CDH8: variants seen among roughly 807,000 people sequenced by gnomAD.
CDH8 encodes cadherin-8.
Under a neutral mutation model 68.1 loss-of-function variants are expected in CDH8, and 17 were observed. That is an observed-to-expected ratio of 0.25 (90% CI 0.17 to 0.37). CDH8 has a LOEUF of 0.37. CDH8 is among the 10% of genes least tolerant of loss of function. The pLI is 1.00. For missense variants in CDH8, 763 were observed against 999.3 expected (o/e 0.76, Z 3.19); for synonymous variants, 372 against 365.1 (o/e 1.02, Z -0.21).
intron 3 of CDH8, among the ~76,000 whole-genome samples, chr16:61,857,482 T>G (rs1963068624): frequency 6.6e-6 from 1 of 152,176 alleles, no homozygotes; most frequent in Non-Finnish European, 1.5e-5. Context: ...AAGATTACTT[T>G]GTAGCTTTCA....
At chr16:61,751,560 C>T (rs1394908813) in intron 8 of CDH8, among the ~76,000 whole-genome samples, 2 of 151,950 alleles carry the variant, frequency 1.3e-5, no homozygotes, top group African/African-American at 4.8e-5. Flanking sequence ...CTCAAATGTG[C>T]AGAATGCATT....
At chr16:61,944,114 A>G (rs1964765098) in intron 2 of CDH8, among the ~76,000 whole-genome samples, 2 of 152,230 alleles carry the variant, frequency 1.3e-5, no homozygotes, top group Non-Finnish European at 2.9e-5. Flanking sequence ...GAGGAGAACC[A>G]TGGAGGCTTG....
At chr16:61,782,450 T>A (rs1161586994) in intron 8 of CDH8, among the ~76,000 whole-genome samples, 1 of 150,292 alleles carries the variant, frequency 6.7e-6, no homozygotes, top group Non-Finnish European at 1.5e-5. Context: ...GCCCACGGAG[T>A]CTCGCTGATT....
At position 61,736,528 on chromosome 16, in the gene CDH8, A is replaced by C. The variant is rs557022668; in HGVS notation, c.1415-9313T>G. ...TGAATGCCTCAGAAATCTACTGGGT[A>C]TTTCTTGAAACTGCTAAAACACAGA... On this transcript the variant is annotated intron_variant, in intron 8 of 11. Coordinates refer to ENST00000577390, the MANE Select transcript of CDH8 (RefSeq NM_001796.5). 2.0e-5 allele frequency among the ~76,000 whole-genome samples: 3 copies of C among 152,326 alleles called. No individual in the cohort carries two copies. The South Asian group carries it at 6.2e-4, about 32-fold the overall frequency.
chr16:61,850,600 AT>A (rs1179880817), intron 4 of CDH8, among the ~76,000 whole-genome samples: 1 of 152,064 alleles, frequency 6.6e-6, no homozygotes, highest in African/African-American at 2.4e-5. Flanking sequence ...TTCTAATACC[AT>A]TGAGAAAATG....
chr16:61,845,679 G>C (rs1366241966), intron 4 of CDH8, among the ~76,000 whole-genome samples: 1 of 152,074 alleles, frequency 6.6e-6, no homozygotes, highest in South Asian at 2.1e-4. Flanking sequence ...TTAAGATTCT[G>C]AATGGCAAAT....
At chr16:61,867,871 C>T (rs964584051) in intron 3 of CDH8, among the ~76,000 whole-genome samples, 1 of 152,074 alleles carries the variant, frequency 6.6e-6, no homozygotes, top group Non-Finnish European at 1.5e-5. Flanking sequence ...ATATAAATTG[C>T]AGTGCATACA....
chr16:61,897,899 TTG>T (rs1963897336), intron 3 of CDH8, among the ~76,000 whole-genome samples: 1 of 152,212 alleles, frequency 6.6e-6, no homozygotes, highest in African/African-American at 2.4e-5. Context: ...TTTTGCTTGC[TTG>T]TGTGTTTTTT....
At chr16:61,971,380 T>C (rs1482101391) in intron 2 of CDH8, among the ~76,000 whole-genome samples, 2 of 152,168 alleles carry the variant, frequency 1.3e-5, no homozygotes, top group East Asian at 1.9e-4. Context: ...CTTGGGTTGA[T>C]AAATTTGATA....
chr16:61,964,681 T>A (rs374494430), intron 2 of CDH8, among the ~76,000 whole-genome samples: 1 of 152,096 alleles, frequency 6.6e-6, no homozygotes, highest in African/African-American at 2.4e-5. Flanking sequence ...CGGTCTGCCC[T>A]GAAATCGTCA....
chr16:61,760,283 T>TTTTATTTATTTATTTATTTA (rs138123289), intron 8 of CDH8, among the ~76,000 whole-genome samples: 1 of 146,228 alleles, frequency 6.8e-6, no homozygotes, highest in Non-Finnish European at 1.5e-5. Flanking sequence ...TGGAAGAAAA[T>TTTTATTTATTTATTTATTTA]TTTATTTATT....
intron 2 of CDH8, among the ~76,000 whole-genome samples, chr16:62,016,048 T>C (rs1901931715): frequency 6.6e-6 from 1 of 152,198 alleles, no homozygotes; most frequent in South Asian, 2.1e-4. Flanking sequence ...CTATTTCCTC[T>C]ATCAAAAATG....
chr16:61,748,315 T>C (rs971244153), intron 8 of CDH8, among the ~76,000 whole-genome samples: 1 of 152,028 alleles, frequency 6.6e-6, no homozygotes, highest in African/African-American at 2.4e-5. Flanking sequence ...AACAATCCTA[T>C]GGAGAAAGTG....
intron 10 of CDH8, among the ~76,000 whole-genome samples, chr16:61,662,434 A>G: frequency 6.6e-6 from 1 of 151,816 alleles, no homozygotes; most frequent in East Asian, 1.9e-4. Flanking sequence ...TAAAAAATAT[A>G]TGAAAAAAGA....
chr16:61,769,291 T>C (rs1415536484), intron 8 of CDH8, among the ~76,000 whole-genome samples: 2 of 151,822 alleles, frequency 1.3e-5, no homozygotes, highest in African/African-American at 4.8e-5. Context: ...TGCCCCATTC[T>C]CCCCCAATAT....
Position 61,668,813 on chromosome 16 carries a change from T to C in CDH8, c.1655-13092A>G, listed in dbSNP as rs985011760. On this transcript the variant is annotated intron_variant, in intron 10 of 11. Transcript: ENST00000577390. Reference sequence around the variant, plus strand: ...AAATTCCCTACCATGTCTCTATGAATTGAATAGGTGCCTCTAAATATTTAA... The same window carrying C: ...AAATTCCCTACCATGTCTCTATGAACTGAATAGGTGCCTCTAAATATTTAA... 7.0e-4 allele frequency among the ~76,000 whole-genome samples: 107 copies of C among 152,042 alleles called. 1 individual carries two copies. The highest frequency in any genetic ancestry group is 2.4e-3 in the African/African-American group (99 of 41,514).
intron 2 of CDH8, 75 bp downstream of exon 2, chr16:62,021,077 T>G (rs1453641695): frequency 6.0e-5 from 78 of 1,297,942 alleles, no homozygotes; most frequent in Non-Finnish European, 8.3e-5. Flanking sequence ...TGGTCACAAT[T>G]AAAAAGAGTC....
At chr16:61,897,806 G>GA (rs1270279153) in intron 3 of CDH8, among the ~76,000 whole-genome samples, 1 of 152,034 alleles carries the variant, frequency 6.6e-6, no homozygotes, top group Non-Finnish European at 1.5e-5. Context: ...CAAACAATAT[G>GA]AAAAAAAGTG....
chr16:61,882,474 G>C (rs764788644), intron 3 of CDH8, among the ~76,000 whole-genome samples: 2 of 152,094 alleles, frequency 1.3e-5, no homozygotes, highest in South Asian at 4.1e-4. Context: ...CTTGACTTTC[G>C]AGCAGGAGAC....
Sources: allele counts gnomAD v4.1 joint callset (sites outside exome capture counted in the v4.1 genomes callset), GRCh38; gene constraint gnomAD v4.1.1; transcripts MANE v1.5; gene names NCBI Gene and HGNC (gene_info 2026-07-23, HGNC 2026-07-21).